Variants in ADGRL3 observed in about 807,000 individuals in gnomAD.
ADGRL3 encodes calcium-independent alpha-latrotoxin receptor 3.
ADGRL3 carries 62 observed loss-of-function variants against 153.5 expected under a neutral mutation model. The ratio of observed to expected loss-of-function variants is 0.40; its 90% CI spans 0.33 to 0.50. The LOEUF is 0.50. ADGRL3 is among the 20% of genes least tolerant of loss of function. The pLI is 0.47. For synonymous variants in ADGRL3, 710 were observed against 672.5 expected, an observed-to-expected ratio of 1.06 and a Z score of -0.86; for missense variants, 1,641 against 1,859.4, an observed-to-expected ratio of 0.88 and a Z score of 2.16.
chr4:61,428,888 CTAT>C (rs1425243541), intron 2 of ADGRL3, among the ~76,000 whole-genome samples: 1,821 of 85,372 alleles, frequency 0.021, 13 homozygotes, highest in Middle Eastern at 0.065. Context: ...ATCTATCTAT[CTAT>C]ATCATCTATC....
chr4:61,800,140 T>C (rs1158046793), intron 8 of ADGRL3, among the ~76,000 whole-genome samples: 2 of 152,156 alleles, frequency 1.3e-5, no homozygotes, highest in Non-Finnish European at 1.5e-5. Flanking sequence ...GGCTCAGCCT[T>C]GTAAGGGCTA....
chr4:61,350,405 G>A (rs1320531971), intron 1 of ADGRL3, among the ~76,000 whole-genome samples: 1 of 141,322 alleles, frequency 7.1e-6, no homozygotes. Flanking sequence ...TGTCTTTGCA[G>A]TAGTATAAAT....
At chr4:61,836,157 TCA>T (rs2097931638) in intron 9 of ADGRL3, among the ~76,000 whole-genome samples, 1 of 152,184 alleles carries the variant, frequency 6.6e-6, no homozygotes, top group Non-Finnish European at 1.5e-5. Context: ...TTTTGAGAAT[TCA>T]CACTTTCCAA....
At chr4:61,500,873 A>G (rs1342481667) in intron 3 of ADGRL3, among the ~76,000 whole-genome samples, 1 of 152,212 alleles carries the variant, frequency 6.6e-6, no homozygotes, top group African/African-American at 2.4e-5. Flanking sequence ...GAGATCACAC[A>G]GCTACTAAGG....
chr4:62,048,208 G>A (rs1371836315), intron 25 of ADGRL3, among the ~76,000 whole-genome samples: 1 of 151,418 alleles, frequency 6.6e-6, no homozygotes, highest in African/African-American at 2.4e-5. Flanking sequence ...AATTTCTGCA[G>A]GTCAAATCTT....
chr4:61,553,030 T>C (rs2098747474), intron 4 of ADGRL3, among the ~76,000 whole-genome samples: 2 of 152,168 alleles, frequency 1.3e-5, no homozygotes, highest in South Asian at 4.1e-4. Flanking sequence ...GTAATTTCAG[T>C]GCATGTTAAA....
Position 61,421,043 on chromosome 4 carries a change from G to A in ADGRL3, c.-174+37854G>A, listed in dbSNP as rs1032116711. Among the ~76,000 whole-genome samples the A allele has an allele frequency of 7.9e-5, 12 of 152,036 alleles. 1 individual carries two copies. The highest frequency in any genetic ancestry group is 2.9e-4 in the African/African-American group (12 of 41,390). The stretch of plus-strand genomic sequence containing the variant: ...TGGCAAATGCTGGCCGGGCACAGTG[G>A]CTCACACCTGTAATCCCAGCACTTT... On this transcript the variant is annotated intron_variant, in intron 2 of 26. Coordinates refer to ENST00000683033, the MANE Select transcript of ADGRL3 (RefSeq NM_001387552.1).
At chr4:61,245,479 C>G (rs1756691155) in intron 1 of ADGRL3, among the ~76,000 whole-genome samples, 1 of 152,030 alleles carries the variant, frequency 6.6e-6, no homozygotes. Context: ...TGTCTTGGCC[C>G]CAGCAGAGTT....
intron 8 of ADGRL3, among the ~76,000 whole-genome samples, chr4:61,800,794 A>G (rs1188519906): frequency 6.6e-6 from 1 of 152,228 alleles, no homozygotes; most frequent in Non-Finnish European, 1.5e-5. Context: ...TTCTGAAAAG[A>G]TTATCATGAA....
intron 4 of ADGRL3, among the ~76,000 whole-genome samples, chr4:61,584,603 G>A (rs2098939075): frequency 6.6e-6 from 1 of 151,712 alleles, no homozygotes. Context: ...TAATTGACTG[G>A]TTTAGTCAAC....
At chr4:61,669,048 G>A (rs1245031686) in intron 5 of ADGRL3, among the ~76,000 whole-genome samples, 1 of 152,146 alleles carries the variant, frequency 6.6e-6, no homozygotes, top group African/African-American at 2.4e-5. Flanking sequence ...GCCAGATTAA[G>A]AGTCTTATTA....
At chr4:61,733,589 A>G (rs1255689518) in intron 8 of ADGRL3, 35 bp downstream of exon 8, 2 of 1,415,268 alleles carry the variant, frequency 1.4e-6, no homozygotes, top group East Asian at 2.3e-5. Flanking sequence ...CTTTGGGGAA[A>G]TATTTACTGT....
chr4:62,054,084 C>T (rs1735712462), intron 25 of ADGRL3, among the ~76,000 whole-genome samples: 1 of 151,552 alleles, frequency 6.6e-6, no homozygotes, highest in Admixed American at 6.6e-5. Flanking sequence ...TGAGTTGCTA[C>T]TGTGTGAATG....
At chr4:61,411,373 A>T (rs182308840) in intron 2 of ADGRL3, among the ~76,000 whole-genome samples, 3 of 152,168 alleles carry the variant, frequency 2.0e-5, no homozygotes, top group Non-Finnish European at 2.9e-5. Flanking sequence ...TTTTGGCAGG[A>T]ATACTACAGA....
In ADGRL3 at chr4:61,890,602, C is replaced by T. The variant is rs886091707; in HGVS notation, c.1481-2054C>T. On this transcript the variant is annotated intron_variant, in intron 9 of 26. Coordinates refer to ENST00000683033, the MANE Select transcript of ADGRL3 (RefSeq NM_001387552.1). ...GAAACCCATTTCCAAGATACCTAGCCCTCTCCCACAATAATGGCATTAATC... is the reference window on the plus strand; with the variant it reads ...GAAACCCATTTCCAAGATACCTAGCTCTCTCCCACAATAATGGCATTAATC... Among the ~76,000 whole-genome samples the T allele has an allele frequency of 2.0e-5, 3 of 152,126 alleles. 1 individual carries two copies. Among genetic ancestry groups the T allele is most frequent in the Admixed American group, 2.0e-4 (3 of 15,264 alleles).
intron 17 of ADGRL3, among the ~76,000 whole-genome samples, chr4:61,953,001 G>A (rs911847847): frequency 1.3e-5 from 2 of 152,122 alleles, no homozygotes; most frequent in African/African-American, 4.8e-5. Context: ...ATAATCTCTT[G>A]TGATTGTTTA....
chr4:61,280,430 A>G lies in ADGRL3; in HGVS notation c.-240+78665A>G, dbSNP rs1578101589. The stretch of plus-strand genomic sequence containing the variant: ...CCTTTATTTTCAAGAAGTATAAATT[A>G]ATGAAAATAAAAGATGTTGCTGTAA... On this transcript the variant is annotated intron_variant, in intron 1 of 26. Transcript: ENST00000683033. Among the ~76,000 whole-genome samples the G allele has an allele frequency of 2.6e-5, 4 of 152,000 alleles. No individual in the cohort carries two copies. The South Asian group carries it at 8.3e-4, about 32-fold the overall frequency.
intron 5 of ADGRL3, among the ~76,000 whole-genome samples, chr4:61,632,604 T>A (rs1009883292): frequency 6.6e-5 from 10 of 152,120 alleles, no homozygotes; most frequent in Non-Finnish European, 1.3e-4. Context: ...GCCCTTGATG[T>A]TTTATACCAG....
Position 61,908,628 on chromosome 4 carries a change from T to C in ADGRL3, c.1888-932T>C, listed in dbSNP as rs187738666. On this transcript the variant is annotated intron_variant, in intron 11 of 26. Coordinates refer to ENST00000683033, the MANE Select transcript of ADGRL3 (RefSeq NM_001387552.1). ...CGCCTCAAAAAAAAAAAAAAAAGTCTCTGGAAAGTGAGAATATAGCAAGGT... is the reference window on the plus strand; with the variant it reads ...CGCCTCAAAAAAAAAAAAAAAAGTCCCTGGAAAGTGAGAATATAGCAAGGT... Among the ~76,000 whole-genome samples, 644 of 150,358 alleles carry C rather than the reference T, an allele frequency of 4.3e-3. 9 individuals carry two copies. The highest frequency in any genetic ancestry group is 0.015 in the African/African-American group (614 of 41,002).
Sources: allele counts gnomAD v4.1 joint callset (sites outside exome capture counted in the v4.1 genomes callset), GRCh38; gene constraint gnomAD v4.1.1; transcripts MANE v1.5; gene names NCBI Gene and HGNC (gene_info 2026-07-23, HGNC 2026-07-21).